Variants in CDH23 observed in about 807,000 individuals in gnomAD.
The protein encoded by CDH23 is cadherin-23.
Under a neutral mutation model 317.1 loss-of-function variants are expected in CDH23, and 189 were observed. The observed-to-expected ratio is 0.60, with a 90% confidence interval of 0.53 to 0.67. CDH23 has a LOEUF of 0.67. Among genes scored for constraint, CDH23 ranks in the 30% least tolerant of loss-of-function variants. CDH23 has a pLI of 0.00. For synonymous variants in CDH23, 1,839 were observed against 1,876.8 expected (o/e 0.98, Z 0.52); for missense variants, 4,401 against 4,592.4 (o/e 0.96, Z 1.20).
intron 3 of CDH23, among the ~76,000 whole-genome samples, chr10:71,460,965 C>T (rs1193586735): frequency 6.6e-6 from 1 of 152,248 alleles, no homozygotes; most frequent in Non-Finnish European, 1.5e-5. Flanking sequence ...ACCACCTCTG[C>T]ATATTCCTTG....
chr10:71,769,934 T>C (rs1394351150), intron 38 of CDH23, among the ~76,000 whole-genome samples: 1 of 152,134 alleles, frequency 6.6e-6, no homozygotes, highest in African/African-American at 2.4e-5. Flanking sequence ...AGGCTTGCCT[T>C]CAAGTTGCAA....
At chr10:71,653,806 T>A (rs1863291216) in intron 14 of CDH23, among the ~76,000 whole-genome samples, 1 of 152,186 alleles carries the variant, frequency 6.6e-6, no homozygotes, top group African/African-American at 2.4e-5. Flanking sequence ...GTAGAGAGAA[T>A]AATAATAATA....
chr10:71,814,711 G>A (rs968621522), intron 69 of CDH23, among the ~76,000 whole-genome samples: 8 of 105,110 alleles, frequency 7.6e-5, no homozygotes, highest in Admixed American at 2.0e-4. Context: ...ACAAGAAGCC[G>A]ATACACACAC....
intron 14 of CDH23, among the ~76,000 whole-genome samples, chr10:71,660,397 C>T (rs1863599763): frequency 6.6e-6 from 1 of 152,084 alleles, no homozygotes; most frequent in African/African-American, 2.4e-5. Flanking sequence ...TACAGATGAC[C>T]AGCCTTGGGC....
Position 71,793,309 on chromosome 10 carries a change from T to C in CDH23, c.6381T>C (p.Val2127=), listed in dbSNP as rs1399971716. The change falls in exon 48 of 70, where the codon GTT becomes GTC. Residue 2127 remains valine (V), a synonymous_variant. Transcript: ENST00000224721. ...LIHLVTGVIR[V]GNATIDREEQ... ...ATCTGGTCACCGGGGTCATCCGTGT[T>C]GGTAATGCCACCATCGACAGAGAGG... The C allele has an allele frequency of 6.2e-7, 1 of 1,613,988 alleles. No individual in the cohort carries two copies. Among genetic ancestry groups the C allele is most frequent in the South Asian group, 1.1e-5 (1 of 91,090 alleles).
At chr10:71,705,389 A>T (rs1164715403) in intron 25 of CDH23, among the ~76,000 whole-genome samples, 1 of 151,352 alleles carries the variant, frequency 6.6e-6, no homozygotes, top group African/African-American at 2.4e-5. Flanking sequence ...CATCAACCCC[A>T]CCCCTCCTAG....
chr10:71,526,090 G>A (rs972997385), intron 6 of CDH23, among the ~76,000 whole-genome samples: 2 of 152,250 alleles, frequency 1.3e-5, no homozygotes, highest in Non-Finnish European at 2.9e-5. Flanking sequence ...TCGGCCCTCT[G>A]CATCGCTGAG....
chr10:71,428,190 T>C (rs1463740035), intron 1 of CDH23, among the ~76,000 whole-genome samples: 3 of 147,344 alleles, frequency 2.0e-5, no homozygotes. Context: ...CAGGCTGGAG[T>C]GCAGTGGCAC....
intron 11 of CDH23, among the ~76,000 whole-genome samples, chr10:71,640,483 C>A (rs958490953): frequency 1.3e-5 from 2 of 152,246 alleles, no homozygotes; most frequent in Non-Finnish European, 2.9e-5. Flanking sequence ...GGAGCGGTGG[C>A]TCACGCCTGT....
At chr10:71,755,412 A>G in intron 38 of CDH23, 2 of 1,613,110 alleles carry the variant, frequency 1.2e-6, no homozygotes. Context: ...GATGAGGGGG[A>G]GGCAGAGGAT....
intron 1 of CDH23, among the ~76,000 whole-genome samples, chr10:71,423,712 G>A (rs192178170): frequency 7.0e-4 from 107 of 152,258 alleles, no homozygotes; most frequent in Admixed American, 2.1e-3. Flanking sequence ...AGGGTTTTAG[G>A]GTCATGCCTC....
intron 3 of CDH23, among the ~76,000 whole-genome samples, chr10:71,506,493 A>C (rs116132760): frequency 1.3e-5 from 2 of 152,190 alleles, no homozygotes; most frequent in African/African-American, 2.4e-5. Context: ...CCTGTGTGGC[A>C]TGTGTACCCC....
At chr10:71,645,645 G>A (rs1392794861) in intron 12 of CDH23, 186 bp from the exon 13 acceptor site, 3 of 773,006 alleles carry the variant, frequency 3.9e-6, no homozygotes. Flanking sequence ...AGAGGGCCTA[G>A]ACATGGGTGG....
chr10:71,427,195 GAGA>G (rs1554823327), intron 1 of CDH23, among the ~76,000 whole-genome samples: 1 of 98,948 alleles, frequency 1.0e-5, no homozygotes, highest in African/African-American at 4.0e-5. Flanking sequence ...AGGAAGGAAA[GAGA>G]AAGAAAGAAA....
intron 3 of CDH23, among the ~76,000 whole-genome samples, chr10:71,447,135 C>T (rs552634315): frequency 4.6e-5 from 7 of 152,262 alleles, no homozygotes; most frequent in Admixed American, 2.0e-4. Flanking sequence ...TTCTTACTCT[C>T]GGGTCTGCCA....
chr10:71,565,597 C>T (rs921255405), intron 6 of CDH23, among the ~76,000 whole-genome samples: 10 of 152,172 alleles, frequency 6.6e-5, no homozygotes, highest in African/African-American at 2.4e-4. Context: ...TGCTTCTTGA[C>T]ACCTCCCTGC....
intron 38 of CDH23, among the ~76,000 whole-genome samples, chr10:71,772,759 G>A (rs975218043): frequency 6.6e-6 from 1 of 152,194 alleles, no homozygotes. Flanking sequence ...GCAGGAATCA[G>A]CTGACCACTT....
In CDH23 at chr10:71,798,996, C is replaced by T. The variant is rs1841483350; in HGVS notation, c.7055-115C>T. On this transcript the variant is annotated intron_variant, in intron 50 of 69. Coordinates refer to ENST00000224721, the MANE Select transcript of CDH23 (RefSeq NM_022124.6). ...CAACTGGGTGGTGCTGCCTGACCAC[C>T]CTCCTTCAAGTGACCACAGCTGCCC... The T allele has an allele frequency of 3.0e-6, 3 of 991,052 alleles. No homozygotes were observed. In the Admixed American group the frequency reaches 7.3e-5, roughly 24 times the overall value. The allele number at this position is 991,052 out of a possible 1,614,324, so 61.4% of individuals were successfully genotyped here. A position where few individuals can be genotyped will look rare whatever the true frequency, so the allele number is the denominator to read the frequency against.
intron 6 of CDH23, among the ~76,000 whole-genome samples, chr10:71,550,808 G>A (rs1856554474): frequency 6.6e-6 from 1 of 152,094 alleles, no homozygotes; most frequent in African/African-American, 2.4e-5. Context: ...CTGACACGGG[G>A]CTTGCTAAGC....
Sources: allele counts gnomAD v4.1 joint callset (sites outside exome capture counted in the v4.1 genomes callset), GRCh38; gene constraint gnomAD v4.1.1; transcripts MANE v1.5; gene names NCBI Gene and HGNC (gene_info 2026-07-23, HGNC 2026-07-21).